Variants in APBA2 observed in about 807,000 individuals in gnomAD.
APBA2 encodes the protein amyloid beta precursor protein binding family A member 2, also known as amyloid-beta A4 precursor protein-binding family A member 2.
A neutral mutation model predicts 75.0 loss-of-function variants in APBA2; 30 were observed. The ratio of observed to expected loss-of-function variants is 0.40; its 90% CI spans 0.30 to 0.54. APBA2 has a LOEUF of 0.54. APBA2 is among the 20% of genes least tolerant of loss of function. The pLI, the probability that APBA2 is intolerant of heterozygous loss-of-function variation, is 0.49. For synonymous variants in APBA2, 444 were observed against 409.6 expected, an observed-to-expected ratio of 1.08 and a Z score of -1.01; for missense variants, 801 against 1,016.1, an observed-to-expected ratio of 0.79 and a Z score of 2.88.
At chr15:29,032,837 A>T (rs1332378599) in intron 3 of APBA2, among the ~76,000 whole-genome samples, 1 of 152,054 alleles carries the variant, frequency 6.6e-6, no homozygotes, top group Non-Finnish European at 1.5e-5. Flanking sequence ...CAGATCCCGG[A>T]TCCTTTCTTT....
intron 2 of APBA2, among the ~76,000 whole-genome samples, chr15:28,967,013 A>G (rs1036060217): frequency 6.6e-6 from 1 of 152,206 alleles, no homozygotes; most frequent in Non-Finnish European, 1.5e-5. Flanking sequence ...AAGTATGATT[A>G]AAGAACCTCA....
Position 29,066,756 on chromosome 15 carries a change from G to C in APBA2, c.952-8165G>C, listed in dbSNP as rs532327806. Among the ~76,000 whole-genome samples the C allele has an allele frequency of 1.2e-4, 19 of 152,218 alleles. No homozygotes were observed. In the East Asian group the frequency reaches 3.1e-3, roughly 25 times the overall value. ...ATAAAATAAATAAAGAAAAGAAGAG[G>C]TTTTTCAGTGAATAACTGGTTTGAA... is the stretch of plus-strand genomic sequence containing the variant. On this transcript the variant is annotated intron_variant, in intron 4 of 14. Transcript: ENST00000683413.
intron 3 of APBA2, among the ~76,000 whole-genome samples, chr15:29,050,092 C>G (rs2041523136): frequency 6.6e-6 from 1 of 152,134 alleles, no homozygotes; most frequent in South Asian, 2.1e-4. Context: ...GCTGGAATTT[C>G]TGAACTCTAA....
chr15:29,093,011 A>G, intron 6 of APBA2, 64 bp from the exon 7 acceptor site: 1 of 1,602,300 alleles, frequency 6.2e-7, no homozygotes, highest in Non-Finnish European at 8.5e-7. Flanking sequence ...ATGGCCAGGC[A>G]TGCAAGTTCT....
At chr15:29,068,959 A>G (rs558020817) in intron 4 of APBA2, among the ~76,000 whole-genome samples, 1 of 152,344 alleles carries the variant, frequency 6.6e-6, no homozygotes, top group South Asian at 2.1e-4. Context: ...CTTTAGTTCC[A>G]GAACATTTTC....
intron 6 of APBA2, among the ~76,000 whole-genome samples, chr15:29,088,043 A>C (rs2043372286): frequency 6.6e-6 from 1 of 151,132 alleles, no homozygotes; most frequent in South Asian, 2.1e-4. Flanking sequence ...CATTGTCTGC[A>C]CCTCCCCTGC....
At position 28,910,529 on chromosome 15, in the gene APBA2, A is replaced by T. The variant is rs577204172; in HGVS notation, c.-204-11111A>T. ...GTGTCACAGGAATGAAGATCCGAGTATTTCCCACCCATGGAGGGGGTGGTG... is the reference window on the plus strand; with the variant it reads ...GTGTCACAGGAATGAAGATCCGAGTTTTTCCCACCCATGGAGGGGGTGGTG... On this transcript the variant is annotated intron_variant, in intron 1 of 14. Transcript: ENST00000683413. Among the ~76,000 whole-genome samples the T allele has an allele frequency of 4.6e-5, 7 of 152,296 alleles. No individual in the cohort carries two copies. In the South Asian group the frequency reaches 1.5e-3, roughly 32 times the overall value.
chr15:28,962,917 G>C (rs2036552581), intron 2 of APBA2, among the ~76,000 whole-genome samples: 1 of 152,200 alleles, frequency 6.6e-6, no homozygotes, highest in African/African-American at 2.4e-5. Context: ...AGATATATCA[G>C]TATGGTGTGG....
chr15:28,933,584 T>C (rs2034678684), intron 2 of APBA2, among the ~76,000 whole-genome samples: 1 of 152,224 alleles, frequency 6.6e-6, no homozygotes, highest in Non-Finnish European at 1.5e-5. Flanking sequence ...AGTCTGCTAG[T>C]AAAGACAGTT....
chr15:28,952,842 A>G lies in APBA2; in HGVS notation c.-95+31093A>G, dbSNP rs61391750. On this transcript the variant is annotated intron_variant, in intron 2 of 14. Transcript: ENST00000683413. ...AATCCTGAGAAAAGCAAGAGTCACT[A>G]TCTCCATTGTATAGATAGAGAAACT... Among the ~76,000 whole-genome samples the G allele has an allele frequency of 2.7e-3, 418 of 152,334 alleles. 1 individual carries two copies. Among genetic ancestry groups the G allele is most frequent in the African/African-American group, 9.6e-3 (400 of 41,576 alleles).
intron 3 of APBA2, among the ~76,000 whole-genome samples, chr15:29,012,636 C>T (rs1430246663): frequency 2.6e-5 from 4 of 152,122 alleles, no homozygotes; most frequent in African/African-American, 7.2e-5. Context: ...TCATTGTATA[C>T]TTTGGGCTAT....
chr15:29,001,156 A>G (rs1217267500), intron 3 of APBA2, among the ~76,000 whole-genome samples: 1 of 152,118 alleles, frequency 6.6e-6, no homozygotes, highest in East Asian at 1.9e-4. Flanking sequence ...CCTCATGTAC[A>G]GTGGATGCTC....
chr15:28,994,761 G>A (rs891277954), intron 2 of APBA2, among the ~76,000 whole-genome samples: 2 of 152,184 alleles, frequency 1.3e-5, no homozygotes, highest in Non-Finnish European at 2.9e-5. Flanking sequence ...CCTTTGTGAT[G>A]AAGTCGAAGC....
Position 29,054,550 on chromosome 15 carries a change from G to T in APBA2, c.666G>T (p.Gln222His). ...GTGGGGATGGGGACCTGGAGGACCA[G>T]GAGGAGGACATTGACCAGATCGTGG... ...LRRGDGDLED[Q>H]EEDIDQIVAE... The change falls in exon 4 of 15, where the codon CAG becomes CAT. Residue 222 changes from glutamine to histidine, a missense_variant. This residue lies in a region of APBA2 where 434 missense variants were observed against 471.6 expected (regional missense o/e 0.92). Transcript: ENST00000683413. This position sits in a 1 kb window ranked among gnomAD's most constrained non-coding sequence, Gnocchi z 6.1. 6.2e-7 allele frequency: 1 copy of T among 1,613,724 alleles called. No homozygotes were observed. Among genetic ancestry groups the T allele is most frequent in the Non-Finnish European group, 8.5e-7 (1 of 1,179,850 alleles).
chr15:28,897,876 T>C (rs36188457), intron 1 of APBA2, among the ~76,000 whole-genome samples: 2,321 of 152,226 alleles, frequency 0.015, 65 homozygotes, highest in African/African-American at 0.052. Context: ...CTGAAACCTG[T>C]GAATGTTACT....
intron 4 of APBA2, among the ~76,000 whole-genome samples, chr15:29,067,975 C>T (rs1483835327): frequency 6.6e-6 from 1 of 152,204 alleles, no homozygotes; most frequent in Non-Finnish European, 1.5e-5. Flanking sequence ...AAGTTAAATA[C>T]TGTAGAAAAT....
At chr15:28,917,813 TGAG>T (rs1362318447) in intron 1 of APBA2, among the ~76,000 whole-genome samples, 1 of 152,208 alleles carries the variant, frequency 6.6e-6, no homozygotes, top group African/African-American at 2.4e-5. Flanking sequence ...ACTCTTGTTT[TGAG>T]GAGAACTTTT....
At chr15:28,981,228 C>T (rs1335433057) in intron 2 of APBA2, among the ~76,000 whole-genome samples, 1 of 152,138 alleles carries the variant, frequency 6.6e-6, no homozygotes, top group Non-Finnish European at 1.5e-5. Context: ...AGACAACCTA[C>T]AGAATGGGAG....
intron 4 of APBA2, among the ~76,000 whole-genome samples, chr15:29,055,787 G>A (rs899345995): frequency 1.3e-5 from 2 of 151,704 alleles, no homozygotes; most frequent in African/African-American, 4.8e-5. Context: ...TGGATTTTCA[G>A]CACTTGTATT....
Sources: gnomAD v4.1 joint callset for allele counts (sites outside exome capture counted in the v4.1 genomes callset) on GRCh38, gnomAD v4.1.1 for gene constraint, gnomAD v4.1.1 regional missense constraint, Gnocchi (gnomAD v3.1) non-coding constraint, MANE v1.5 for transcripts, NCBI Gene and HGNC (gene_info 2026-07-23, HGNC 2026-07-21) for gene names.